Variants in ROBO1 observed in about 807,000 individuals in gnomAD.
The protein encoded by ROBO1 is roundabout guidance receptor 1, also known as roundabout homolog 1.
ROBO1 carries 149 observed loss-of-function variants against 195.9 expected under a neutral mutation model. That is an observed-to-expected ratio of 0.76 (90% CI 0.67 to 0.87). The LOEUF (loss-of-function observed/expected upper bound fraction) is 0.87. ROBO1 is among the 40% of genes least tolerant of loss of function. The pLI is 0.00. For synonymous variants in ROBO1, 816 were observed against 733.2 expected (o/e 1.11, Z -1.82); for missense variants, 1,933 against 2,068.3 (o/e 0.93, Z 1.27).
At chr3:79,274,466 A>G (rs2030850577) in intron 2 of ROBO1, among the ~76,000 whole-genome samples, 1 of 152,008 alleles carries the variant, frequency 6.6e-6, no homozygotes, top group Admixed American at 6.6e-5. Context: ...TAATGGAAAC[A>G]CAGCATACCA....
chr3:79,660,489 C>G (rs545785217), intron 1 of ROBO1, among the ~76,000 whole-genome samples: 4 of 152,054 alleles, frequency 2.6e-5, no homozygotes, highest in Non-Finnish European at 5.9e-5. Context: ...TTCTGCAAAC[C>G]TGTGCCCTGA....
chr3:78,679,442 C>G (rs2080832129), intron 10 of ROBO1, among the ~76,000 whole-genome samples: 1 of 152,146 alleles, frequency 6.6e-6, no homozygotes, highest in African/African-American at 2.4e-5. Flanking sequence ...TGTCTCAGCC[C>G]AAAATCTCCT....
At chr3:78,599,830 A>C (rs1265450440) in intron 30 of ROBO1, among the ~76,000 whole-genome samples, 1 of 152,228 alleles carries the variant, frequency 6.6e-6, no homozygotes, top group East Asian at 1.9e-4. Context: ...AACAGCTCTT[A>C]CTTCTTAACA....
intron 2 of ROBO1, among the ~76,000 whole-genome samples, chr3:79,424,560 CATA>C (rs751985283): frequency 1.3e-5 from 2 of 151,996 alleles, no homozygotes; most frequent in Non-Finnish European, 2.9e-5. Context: ...GAACAGTAAA[CATA>C]ATAATATGTT....
chr3:79,339,434 C>T (rs943602519), intron 2 of ROBO1, among the ~76,000 whole-genome samples: 2 of 152,162 alleles, frequency 1.3e-5, no homozygotes, highest in African/African-American at 2.4e-5. Flanking sequence ...TTCCACAATA[C>T]ATCACAAACA....
At chr3:79,262,611 T>TA (rs1427744863) in intron 2 of ROBO1, among the ~76,000 whole-genome samples, 1 of 151,682 alleles carries the variant, frequency 6.6e-6, no homozygotes, top group Non-Finnish European at 1.5e-5. Flanking sequence ...TAAGACAAAG[T>TA]AAAAAAACGT....
chr3:79,387,122 A>G lies in ROBO1; in HGVS notation c.88+202702T>C, dbSNP rs554490620. Among the ~76,000 whole-genome samples, 5 of 152,256 alleles carry G rather than the reference A, an allele frequency of 3.3e-5. No homozygotes were observed. In the South Asian group the frequency reaches 1.0e-3, roughly 32 times the overall value. On this transcript the variant is annotated intron_variant, in intron 2 of 30. Transcript: ENST00000464233. ...GAACTATTATAGTTTAGAGGCATCC[A>G]GGGAAGAGAACTTGGGATTACCATA...
chr3:78,684,219 A>G (rs1485104490), intron 10 of ROBO1, among the ~76,000 whole-genome samples: 1 of 152,168 alleles, frequency 6.6e-6, no homozygotes, highest in Non-Finnish European at 1.5e-5. Context: ...AATACTACAC[A>G]GCAACAAAAA....
intron 4 of ROBO1, among the ~76,000 whole-genome samples, chr3:78,880,629 C>A (rs887395720): frequency 2.0e-5 from 3 of 152,094 alleles, no homozygotes; most frequent in African/African-American, 7.2e-5. Context: ...AAGAAAATTG[C>A]AAATTTAAAT....
chr3:78,978,499 C>G lies in ROBO1; in HGVS notation c.173-39572G>C, dbSNP rs1046671577. On this transcript the variant is annotated intron_variant, in intron 3 of 30. Transcript: ENST00000464233. ...GCCAGGCACCACACACAGTATTGCC[C>G]ATATTATCCCTAAGCTTCACAGTGA... is the stretch of plus-strand genomic sequence containing the variant. 3.3e-5 allele frequency among the ~76,000 whole-genome samples: 5 copies of G among 152,098 alleles called. No homozygotes were observed. In the East Asian group the frequency reaches 7.7e-4, roughly 24 times the overall value.
At chr3:79,573,586 T>G (rs989842290) in intron 2 of ROBO1, among the ~76,000 whole-genome samples, 1 of 152,198 alleles carries the variant, frequency 6.6e-6, no homozygotes, top group Non-Finnish European at 1.5e-5. Context: ...AATATTCATA[T>G]GGGACAATTC....
In ROBO1 at chr3:78,646,176, C is replaced by T. The variant is rs765297929; in HGVS notation, c.2854G>A (p.Gly952Arg). Residue 952 changes from glycine (G) to arginine (R), a missense_variant, in exon 21 of 31, where the codon GGA becomes AGA. Physicochemically the swap from Gly to Arg is moderately radical, Grantham distance 125. Coordinates refer to ENST00000464233, the MANE Select transcript of ROBO1 (RefSeq NM_002941.4). Reference protein sequence around the residue: ...TFTPTVTYQRGGEAVSSGGRP... With the variant: ...TFTPTVTYQRRGEAVSSGGRP... ...CCTCCACTGCTGACAGCTTCGCCTC[C>T]TCTCTGGTAAGTTACTAGAATGTTA... 6.2e-7 allele frequency: 1 copy of T among 1,606,898 alleles called. No homozygotes were observed.
chr3:78,606,672 A>T (rs747152483), intron 29 of ROBO1, 61 bp downstream of exon 29: 23 of 1,530,096 alleles, frequency 1.5e-5, no homozygotes, highest in Non-Finnish European at 2.1e-5. Context: ...TATAGAGCCT[A>T]ACTGTATGCC....
chr3:79,018,422 T>C (rs760537857), intron 3 of ROBO1: 1 of 1,613,792 alleles, frequency 6.2e-7, no homozygotes, highest in Non-Finnish European at 8.5e-7. Context: ...CAGAGACATA[T>C]TAATCCAAAC....
At chr3:79,370,906 A>G (rs1291995307) in intron 2 of ROBO1, among the ~76,000 whole-genome samples, 1 of 151,206 alleles carries the variant, frequency 6.6e-6, no homozygotes, top group Non-Finnish European at 1.5e-5. Context: ...GTCACTGTTC[A>G]ACTCCCACTT....
intron 2 of ROBO1, among the ~76,000 whole-genome samples, chr3:79,411,595 G>A (rs1003485134): frequency 6.6e-6 from 1 of 152,080 alleles, no homozygotes; most frequent in African/African-American, 2.4e-5. Context: ...CAACATATTT[G>A]AACTTCATGT....
intron 2 of ROBO1, among the ~76,000 whole-genome samples, chr3:79,184,296 C>T (rs1203623246): frequency 6.6e-6 from 1 of 152,114 alleles, no homozygotes; most frequent in Non-Finnish European, 1.5e-5. Flanking sequence ...TTTAAAAAGA[C>T]AATAATCCTA....
At chr3:78,605,931 T>A (rs1382733439) in intron 29 of ROBO1, among the ~76,000 whole-genome samples, 1 of 152,196 alleles carries the variant, frequency 6.6e-6, no homozygotes, top group Non-Finnish European at 1.5e-5. Context: ...TACAGGCTGA[T>A]CCTTCCTGTT....
intron 2 of ROBO1, among the ~76,000 whole-genome samples, chr3:79,377,023 T>C (rs1406317445): frequency 2.0e-5 from 3 of 150,702 alleles, no homozygotes; most frequent in African/African-American, 7.4e-5. Flanking sequence ...TAAGCAAATA[T>C]ATAGCAGAGC....
Sources: allele counts gnomAD v4.1 joint callset (sites outside exome capture counted in the v4.1 genomes callset), GRCh38; gene constraint gnomAD v4.1.1; transcripts MANE v1.5; gene names NCBI Gene and HGNC (gene_info 2026-07-23, HGNC 2026-07-21).